The following EEIG2 variants were observed in gnomAD, a reference collection of about 807,000 sequenced individuals.
The protein encoded by EEIG2 is EEIG family member 2, also known as family with sequence similarity 102 member B.
chr1:108,613,004 T>G, the EEIG2 span, among the ~76,000 whole-genome samples: 3 of 152,184 alleles, frequency 2.0e-5, no homozygotes, highest in Non-Finnish European at 4.4e-5. Context: ...TTCAAACTTT[T>G]TTGCAGCAAA....
the EEIG2 span, among the ~76,000 whole-genome samples, chr1:108,581,436 G>A: frequency 1.3e-5 from 2 of 152,182 alleles, no homozygotes; most frequent in Admixed American, 1.3e-4. Context: ...TGATTCCTCT[G>A]ATGGACCTGA....
the EEIG2 span, chr1:108,560,447 T>C: frequency 1.2e-6 from 2 of 1,609,140 alleles, no homozygotes; most frequent in Non-Finnish European, 1.7e-6. Context: ...GAAGAAGAAG[T>C]TTAAGTTTAA....
chr1:108,629,313 G>A, the EEIG2 span, among the ~76,000 whole-genome samples: 3 of 152,176 alleles, frequency 2.0e-5, no homozygotes, highest in African/African-American at 4.8e-5. Context: ...GTAGTTGGGT[G>A]TAAAGAGAAA....
At chr1:108,635,161 G>A in the EEIG2 span, 22 of 1,613,884 alleles carry the variant, frequency 1.4e-5, no homozygotes, top group South Asian at 3.3e-5. Context: ...AAGTCAAGTC[G>A]GTGAAAACAT....
chr1:108,633,379 C>G, the EEIG2 span, among the ~76,000 whole-genome samples: 1 of 152,282 alleles, frequency 6.6e-6, no homozygotes, highest in East Asian at 1.9e-4. Context: ...GCCTCCAATT[C>G]CTGCACTCAA....
chr1:108,582,787 A>T, the EEIG2 span, among the ~76,000 whole-genome samples: 9 of 152,118 alleles, frequency 5.9e-5, no homozygotes, highest in Admixed American at 2.0e-4. Flanking sequence ...ACAGAAACAG[A>T]CTTGATAAGC....
chr1:108,636,484 T>C, the EEIG2 span: 1 of 152,236 alleles, frequency 6.6e-6, no homozygotes, highest in Non-Finnish European at 1.5e-5. Context: ...GAGGAAATTA[T>C]ATTATTTTAA....
At chr1:108,587,316 C>T in the EEIG2 span, among the ~76,000 whole-genome samples, 1 of 152,084 alleles carries the variant, frequency 6.6e-6, no homozygotes, top group African/African-American at 2.4e-5. Context: ...AGAAATGCCT[C>T]CTATACCTCC....
chr1:108,589,966 A>C, the EEIG2 span, among the ~76,000 whole-genome samples: 1 of 151,316 alleles, frequency 6.6e-6, no homozygotes, highest in Non-Finnish European at 1.5e-5. Flanking sequence ...TGTCATTTAC[A>C]TTTGTATTTT....
the EEIG2 span, chr1:108,628,799 C>G: frequency 1.2e-6 from 2 of 1,611,222 alleles, no homozygotes; most frequent in Non-Finnish European, 1.7e-6. Context: ...GATTCCAGTG[C>G]GGAAGGTGTG....
the EEIG2 span, among the ~76,000 whole-genome samples, chr1:108,602,215 A>G: frequency 1.3e-5 from 2 of 152,302 alleles, no homozygotes; most frequent in East Asian, 3.9e-4. Flanking sequence ...ACCTGAAAGC[A>G]AAAAAGCCCC....
At chr1:108,611,283 C>A in the EEIG2 span, among the ~76,000 whole-genome samples, 1 of 152,124 alleles carries the variant, frequency 6.6e-6, no homozygotes, top group African/African-American at 2.4e-5. Flanking sequence ...AGTTGCAACT[C>A]AATTCATTTT....
At chr1:108,636,199 T>C in the EEIG2 span, 4 of 152,224 alleles carry the variant, frequency 2.6e-5, no homozygotes, top group Admixed American at 2.6e-4. Flanking sequence ...GAGTAGAATA[T>C]AACATCTATC....
the EEIG2 span, among the ~76,000 whole-genome samples, chr1:108,601,549 A>G: frequency 6.6e-6 from 1 of 151,770 alleles, no homozygotes; most frequent in African/African-American, 2.4e-5. Flanking sequence ...ACTCAACTAT[A>G]TAAACATTTT....
At chr1:108,600,526 A>G in the EEIG2 span, 2 of 1,605,518 alleles carry the variant, frequency 1.2e-6, no homozygotes, top group Non-Finnish European at 1.7e-6. Flanking sequence ...CATGTCATCA[A>G]TAATAGTTAA....
At chr1:108,590,951 G>A in the EEIG2 span, among the ~76,000 whole-genome samples, 52 of 152,014 alleles carry the variant, frequency 3.4e-4, no homozygotes, top group Admixed American at 5.9e-4. Flanking sequence ...TCTTTGACTC[G>A]TTTGAAACAC....
At chr1:108,629,884 A>G in the EEIG2 span, 1 of 545,404 alleles carries the variant, frequency 1.8e-6, no homozygotes, top group Non-Finnish European at 3.3e-6. Context: ...CCTTAGAAAT[A>G]TTTTTAAAGG....
the EEIG2 span, among the ~76,000 whole-genome samples, chr1:108,613,584 C>T: frequency 2.0e-5 from 3 of 152,100 alleles, no homozygotes; most frequent in Admixed American, 6.6e-5. Context: ...CCTTCCACAC[C>T]GTCTCTCCCA....
the EEIG2 span, among the ~76,000 whole-genome samples, chr1:108,586,687 C>A: frequency 1.3e-5 from 2 of 151,966 alleles, no homozygotes; most frequent in East Asian, 3.9e-4. Flanking sequence ...TAGTGAAGAA[C>A]TGTAGGGGCG....
Sources: allele counts gnomAD v4.1 joint callset (sites outside exome capture counted in the v4.1 genomes callset), GRCh38; gene constraint gnomAD v4.1.1; transcripts MANE v1.5; gene names NCBI Gene and HGNC (gene_info 2026-07-23, HGNC 2026-07-21).